The following NCAPH variants were observed in gnomAD, a reference collection of about 807,000 sequenced individuals.
The protein encoded by NCAPH is non-SMC condensin I complex subunit H, also known as condensin complex subunit 2.
A neutral mutation model predicts 85.5 loss-of-function variants in NCAPH; 38 were observed. The ratio of observed to expected loss-of-function variants is 0.44; its 90% CI spans 0.34 to 0.58. The LOEUF (loss-of-function observed/expected upper bound fraction) is 0.58, where lower values mean the gene tolerates loss of function less well. NCAPH is among the 20% of genes least tolerant of loss of function. NCAPH has a pLI of 0.01. For missense variants in NCAPH, 789 were observed against 916.6 expected (o/e 0.86, Z 1.80); for synonymous variants, 301 against 335.1 (o/e 0.90, Z 1.11).
intron 10 of NCAPH, 114 bp downstream of exon 10, chr2:96,359,307 G>A: frequency 7.5e-7 from 1 of 1,335,504 alleles, no homozygotes. Context: ...CTCTTAATAA[G>A]CCGAGGAAGC....
At chr2:96,361,270 G>A (rs1169108982) in intron 12 of NCAPH, among the ~76,000 whole-genome samples, 3 of 151,612 alleles carry the variant, frequency 2.0e-5, no homozygotes, top group African/African-American at 4.8e-5. Context: ...GGCTAGTCTC[G>A]AACTCCTGAC....
intron 9 of NCAPH, among the ~76,000 whole-genome samples, chr2:96,355,690 G>A (rs1462428296): frequency 6.8e-6 from 1 of 146,248 alleles, no homozygotes; most frequent in African/African-American, 2.5e-5. Context: ...CGCCCAGGCT[G>A]GAGTGCAGCA....
chr2:96,351,102 G>T (rs1000633484), intron 6 of NCAPH, among the ~76,000 whole-genome samples: 6 of 152,286 alleles, frequency 3.9e-5, no homozygotes, highest in African/African-American at 1.2e-4. Flanking sequence ...GATATCTTGG[G>T]TATGTTCTTC....
intron 6 of NCAPH, among the ~76,000 whole-genome samples, chr2:96,346,976 G>C (rs1168495343): frequency 6.6e-6 from 1 of 152,152 alleles, no homozygotes; most frequent in Non-Finnish European, 1.5e-5. Flanking sequence ...AATAAATTTG[G>C]AGACTAGTAA....
Position 96,374,622 on chromosome 2 carries a change from C to T in NCAPH, c.*1271C>T, listed in dbSNP as rs1333126004. ...CACAAAACAAAAATAATCCCCTCCC[C>T]ACAGGAATATGCTTTCCAAATTGTG... On this transcript the variant is annotated 3_prime_UTR_variant, in exon 18 of 18. Coordinates refer to ENST00000240423, the MANE Select transcript of NCAPH (RefSeq NM_015341.5). 2.0e-5 allele frequency among the ~76,000 whole-genome samples: 3 copies of T among 152,204 alleles called. No homozygotes were observed. The highest frequency in any genetic ancestry group is 4.4e-5 in the Non-Finnish European group (3 of 68,038).
In NCAPH at chr2:96,359,030, A is replaced by G; in HGVS notation, c.1209-15A>G. ...TAATATATGTATTGTACATGTACAA[A>G]TATGTGTGTTACAGGGAAGAAATGA... is the stretch of plus-strand genomic sequence containing the variant. On this transcript the variant is annotated splice_polypyrimidine_tract_variant and intron_variant, in intron 9 of 17. Transcript: ENST00000240423. 1 of 1,613,324 alleles carries G rather than the reference A, an allele frequency of 6.2e-7. No individual in the cohort carries two copies. Among genetic ancestry groups the G allele is most frequent in the Non-Finnish European group, 8.5e-7 (1 of 1,179,398 alleles).
chr2:96,360,441 T>G lies in NCAPH; in HGVS notation c.1465-147T>G, dbSNP rs189675004. Reference sequence around the variant, plus strand: ...ATCAAATTTAGAATAAAAAGAATAATGCTAGCAAAATCACTTTTTTACATA... The same window carrying G: ...ATCAAATTTAGAATAAAAAGAATAAGGCTAGCAAAATCACTTTTTTACATA... On this transcript the variant is annotated intron_variant, in intron 11 of 17. Transcript: ENST00000240423. 7.8e-4 allele frequency: 791 copies of G among 1,010,580 alleles called. 21 individuals are homozygous for G. The East Asian group carries it at 0.01, about 13-fold the overall frequency. The allele number at this position is 1,010,580 out of a possible 1,614,324, so 62.6% of individuals were successfully genotyped here.
Position 96,342,064 on chromosome 2 carries a change from C to G in NCAPH, c.287C>G (p.Ser96Ter), listed in dbSNP as rs1487843075. Reference protein sequence around the residue: ...ASPSSRSIDISATIPKFTNTQ... With the variant: ...ASPSSRSIDI ...TTTCCATTTAGGAGTATTGACATTT[C>G]AGCTACTATCCCCAAGTTTACAAAC... The change falls in exon 3 of 18, where the codon TCA becomes TGA. Residue 96 changes from serine (S) to a stop codon, truncating the protein, a stop_gained. Coordinates refer to ENST00000240423, the MANE Select transcript of NCAPH (RefSeq NM_015341.5). LOFTEE classifies it high-confidence loss of function. 6.2e-7 allele frequency: 1 copy of G among 1,608,164 alleles called. No homozygotes were observed. The highest frequency in any genetic ancestry group is 8.5e-7 in the Non-Finnish European group (1 of 1,175,132).
Position 96,351,959 on chromosome 2 carries a change from C to T in NCAPH, c.849C>T (p.Leu283=), listed in dbSNP as rs541439125. The change falls in exon 7 of 18, where the codon CTC becomes CTT. Residue 283 remains leucine, a synonymous_variant. Transcript: ENST00000240423. ...ELLFPSDVQT[L]STGEPLELPE... ...TGTTTCCCTCTGATGTCCAGACTCT[C>T]TCCACGGGAGAACCTCTCGAGTTGC... 11 of 1,614,222 alleles carry T rather than the reference C, an allele frequency of 6.8e-6. No individual in the cohort carries two copies. In the East Asian group the frequency reaches 2.5e-4, roughly 36 times the overall value.
chr2:96,338,971 C>T (rs930044025), intron 1 of NCAPH, among the ~76,000 whole-genome samples: 23 of 152,078 alleles, frequency 1.5e-4, no homozygotes, highest in African/African-American at 3.4e-4. Context: ...CCACTGCGCC[C>T]GGCTCATTTT....
intron 11 of NCAPH, 120 bp downstream of exon 11, chr2:96,360,369 C>G: frequency 5.0e-6 from 4 of 793,058 alleles, no homozygotes; most frequent in Non-Finnish European, 8.0e-6. Flanking sequence ...TTCCTTGTTC[C>G]TTAAACGCAC....
intron 1 of NCAPH, among the ~76,000 whole-genome samples, chr2:96,339,265 T>G (rs1476394263): frequency 6.6e-6 from 1 of 152,156 alleles, no homozygotes; most frequent in Non-Finnish European, 1.5e-5. Flanking sequence ...CCCTTTCAAC[T>G]CTCACCCTCT....
Position 96,352,607 on chromosome 2 carries a change from C to T in NCAPH, c.910+587C>T, listed in dbSNP as rs1278054750. Among the ~76,000 whole-genome samples, 3 of 152,142 alleles carry T rather than the reference C, an allele frequency of 2.0e-5. No homozygotes were observed. In the South Asian group the frequency reaches 6.2e-4, roughly 32 times the overall value. ...ATGAGGTGCCAGCAGGTAGGGAGGC[C>T]AGGTGCGTGCAGTGCAGTAGCTACA... On this transcript the variant is annotated intron_variant, in intron 7 of 17. Coordinates refer to ENST00000240423, the MANE Select transcript of NCAPH (RefSeq NM_015341.5).
chr2:96,348,651 C>T (rs2064394232), intron 6 of NCAPH, among the ~76,000 whole-genome samples: 1 of 151,544 alleles, frequency 6.6e-6, no homozygotes, highest in Admixed American at 6.6e-5. Context: ...ATCTTACTGT[C>T]ATTATTATTA....
At chr2:96,354,432 A>C (rs3731936) in intron 9 of NCAPH, 44 bp downstream of exon 9, 374,806 of 1,358,194 alleles carry the variant, frequency 0.28, 57,966 homozygotes, top group South Asian at 0.63. Flanking sequence ...GGAGTTTTCC[A>C]TTGGTTCTTT....
At chr2:96,352,820 G>C (rs951581872) in intron 7 of NCAPH, among the ~76,000 whole-genome samples, 1 of 152,188 alleles carries the variant, frequency 6.6e-6, no homozygotes, top group African/African-American at 2.4e-5. Flanking sequence ...GTTTAGTATA[G>C]TTTTTGTGCT....
At chr2:96,364,455 C>T (rs771151192) in intron 12 of NCAPH, 26 bp from the exon 13 acceptor site, 1 of 1,470,636 alleles carries the variant, frequency 6.8e-7, no homozygotes, top group Non-Finnish European at 9.5e-7. Context: ...AACAAAATAG[C>T]TTTCTGCATT....
In NCAPH at chr2:96,375,852, G is replaced by A. The variant is rs1338616874; in HGVS notation, c.*2501G>A. On this transcript the variant is annotated 3_prime_UTR_variant, in exon 18 of 18. Coordinates refer to ENST00000240423, the MANE Select transcript of NCAPH (RefSeq NM_015341.5). The stretch of plus-strand genomic sequence containing the variant: ...TAAGCAGCAGGACGAAGGACTGGGG[G>A]AAAAGAGAACTGCTGCTCCCTGTTA... Among the ~76,000 whole-genome samples the A allele has an allele frequency of 1.3e-5, 2 of 152,028 alleles. No homozygotes were observed. The highest frequency in any genetic ancestry group is 2.4e-5 in the African/African-American group (1 of 41,382).
chr2:96,357,573 C>T (rs2064540805), intron 9 of NCAPH, among the ~76,000 whole-genome samples: 1 of 152,204 alleles, frequency 6.6e-6, no homozygotes, highest in African/African-American at 2.4e-5. Flanking sequence ...GAAACTTCTT[C>T]CTTCTACCTC....
Sources: allele counts gnomAD v4.1 joint callset (sites outside exome capture counted in the v4.1 genomes callset), GRCh38; gene constraint gnomAD v4.1.1; transcripts MANE v1.5; gene names NCBI Gene and HGNC (gene_info 2026-07-23, HGNC 2026-07-21).